PLA2G2C: variants seen among roughly 807,000 people sequenced by gnomAD.
PLA2G2C encodes the protein putative inactive group IIC secretory phospholipase A2.
PLA2G2C carries 15 observed loss-of-function variants against 14.3 expected under a neutral mutation model. The ratio of observed to expected loss-of-function variants is 1.05; its 90% confidence interval spans 0.70 to 1.62. The LOEUF is 1.62. PLA2G2C is among the 40% of genes most tolerant of loss of function. The probability of loss-of-function intolerance (pLI) is 0.00; values close to 1 mark genes in which losing one functional copy is unlikely to be tolerated. For synonymous variants in PLA2G2C, 79 were observed against 67.7 expected (o/e 1.17, Z -0.82); for missense variants, 162 against 173.2 (o/e 0.94, Z 0.36).
rs754793306 is a variant in PLA2G2C at position 20,175,024 on chromosome 1, G to A, written c.162C>T (p.Pro54=). ...GCACCCACCTGTCAGTGTCATCCACGGGGATCCCTTTATCCCCAAGCCCAC... is the reference window on the plus strand; with the variant it reads ...GCACCCACCTGTCAGTGTCATCCACAGGGATCCCTTTATCCCCAAGCCCAC... ...CYCGLGDKGI[P]VDDTDRHSPS... Residue 54 remains proline, a synonymous_variant, in exon 3 of 5, where the codon CCC becomes CCT. Coordinates refer to ENST00000679259, the MANE Select transcript of PLA2G2C (RefSeq NM_001367969.2). 27 of 1,613,518 alleles carry A rather than the reference G, an allele frequency of 1.7e-5. No homozygotes were observed. The highest frequency in any genetic ancestry group is 4.4e-5 in the South Asian group (4 of 90,990).
Position 20,179,280 on chromosome 1 carries a change from CTG to C in PLA2G2C, c.-76-1843_-76-1842del, listed in dbSNP as rs377415961. ...TCAGCTTCTCCCTCTATGTCAGTTT[CTG>C]TGTGTGTGTGTGCGCGCGCACGTGC... is the stretch of plus-strand genomic sequence containing the variant. On this transcript the variant is annotated intron_variant, in intron 1 of 4. Coordinates refer to ENST00000679259, the MANE Select transcript of PLA2G2C (RefSeq NM_001367969.2). Among the ~76,000 whole-genome samples the C allele has an allele frequency of 5.5e-4, 82 of 149,680 alleles. 1 individual carries two copies. Among genetic ancestry groups the C allele is most frequent in the African/African-American group, 1.2e-3 (49 of 40,522 alleles).
chr1:20,175,812 T>C (rs1487577488), intron 2 of PLA2G2C, among the ~76,000 whole-genome samples: 2 of 152,102 alleles, frequency 1.3e-5, no homozygotes, highest in Non-Finnish European at 2.9e-5. Context: ...CTCTAGGCAA[T>C]TGGGATTGAA....
chr1:20,165,634 T>C (rs924835376), intron 4 of PLA2G2C, among the ~76,000 whole-genome samples: 2 of 152,106 alleles, frequency 1.3e-5, no homozygotes, highest in African/African-American at 4.8e-5. Flanking sequence ...TTTATTTACC[T>C]ACTAATCAGA....
Position 20,163,990 on chromosome 1 carries a change from C to T in PLA2G2C, c.*1G>A. ...ATGATGAGAGGGACCCTGTGGTGTC[C>T]CTAGCACCAGGGCTTATGTCTGCCA... On this transcript the variant is annotated 3_prime_UTR_variant, in exon 5 of 5. Transcript: ENST00000679259. 1.9e-6 allele frequency: 3 copies of T among 1,611,750 alleles called. No individual in the cohort carries two copies. The highest frequency in any genetic ancestry group is 1.1e-5 in the South Asian group (1 of 90,438).
At chr1:20,179,879 CT>C (rs571004620) in intron 1 of PLA2G2C, among the ~76,000 whole-genome samples, 6 of 149,302 alleles carry the variant, frequency 4.0e-5, no homozygotes, top group African/African-American at 1.5e-4. Flanking sequence ...GCTATGTCAG[CT>C]TCTGTGTGTC....
Position 20,164,156 on chromosome 1 carries a change from A to G in PLA2G2C, c.285T>C (p.Cys95=). Residue 95 remains cysteine (C), a splice_region_variant and synonymous_variant, in exon 5 of 5, where the codon TGT becomes TGC. Coordinates refer to ENST00000679259, the MANE Select transcript of PLA2G2C (RefSeq NM_001367969.2). ...TGGCACCAGGACCAAGGGTGCATCC[A>G]CCTACAGAGACACAGAGGGTCACTG... The part of the protein sequence containing the change: ...QFHIVNGAVV[C]GCTLGPGASC... The G allele has an allele frequency of 6.2e-7, 1 of 1,611,710 alleles. No individual in the cohort carries two copies. Among genetic ancestry groups the G allele is most frequent in the Non-Finnish European group, 8.5e-7 (1 of 1,179,240 alleles).
chr1:20,177,403 C>G lies in PLA2G2C; in HGVS notation c.-40G>C. The G allele has an allele frequency of 1.5e-6, 1 of 655,540 alleles. No homozygotes were observed. The highest frequency in any genetic ancestry group is 2.7e-6 in the Non-Finnish European group (1 of 364,502). 40.6% of individuals were successfully genotyped at this position (655,540 alleles called of 1,614,324 possible). ...GGGGGTCTGAGGTTCTACAGCCACG[C>G]CTTCACCTGTGTGTGAGGGGTCTCC... On this transcript the variant is annotated 5_prime_UTR_variant, in exon 2 of 5. Coordinates refer to ENST00000679259, the MANE Select transcript of PLA2G2C (RefSeq NM_001367969.2).
chr1:20,183,453 T>C (rs772749851), intron 1 of PLA2G2C, among the ~76,000 whole-genome samples: 1 of 151,900 alleles, frequency 6.6e-6, no homozygotes, highest in Non-Finnish European at 1.5e-5. Flanking sequence ...TGGATGCAGG[T>C]TGTAAAATTG....
intron 4 of PLA2G2C, among the ~76,000 whole-genome samples, chr1:20,167,271 C>T (rs927107657): frequency 3.3e-5 from 5 of 152,148 alleles, no homozygotes; most frequent in Admixed American, 1.3e-4. Context: ...TCAATAAGCA[C>T]GTGTCCACCT....
chr1:20,166,166 C>T (rs144394520), intron 4 of PLA2G2C, among the ~76,000 whole-genome samples: 280 of 152,292 alleles, frequency 1.8e-3, no homozygotes, highest in Admixed American at 2.6e-3. Context: ...GAAAAAGCAG[C>T]GCCCTGTGGA....
intron 4 of PLA2G2C, among the ~76,000 whole-genome samples, chr1:20,166,467 C>A (rs1367444445): frequency 6.6e-6 from 1 of 152,182 alleles, no homozygotes. Flanking sequence ...TCAAGCCCAG[C>A]TCCCCAGGTA....
chr1:20,164,219 C>G, intron 4 of PLA2G2C, 62 bp from the exon 5 acceptor site: 1 of 1,505,876 alleles, frequency 6.6e-7, no homozygotes, highest in East Asian at 2.3e-5. Flanking sequence ...GGTTCTAAGG[C>G]TGGGGAGAAC....
chr1:20,184,225 AC>A (rs2018326485), intron 1 of PLA2G2C: 2 of 152,352 alleles, frequency 1.3e-5, no homozygotes, highest in Non-Finnish European at 2.9e-5. Flanking sequence ...ACACACACAC[AC>A]ACGGTGAGAA....
Position 20,163,922 on chromosome 1 carries a change from C to T in PLA2G2C, c.*69G>A, listed in dbSNP as rs1409884342. The T allele has an allele frequency of 4.0e-6, 6 of 1,499,934 alleles. No individual in the cohort carries two copies. The highest frequency in any genetic ancestry group is 5.4e-6 in the Non-Finnish European group (6 of 1,114,126). 92.9% of individuals were successfully genotyped at this position (1,499,934 alleles called of 1,614,324 possible). A position where few individuals can be genotyped will look rare whatever the true frequency, so the allele number is the denominator to read the frequency against. On this transcript the variant is annotated 3_prime_UTR_variant, in exon 5 of 5. Coordinates refer to ENST00000679259, the MANE Select transcript of PLA2G2C (RefSeq NM_001367969.2). ...AGAACAGGGGCCTGTTGGGGATGATCTGAGAAGGCTTCCTGGAAGAGCAAC... is the reference window on the plus strand; with the variant it reads ...AGAACAGGGGCCTGTTGGGGATGATTTGAGAAGGCTTCCTGGAAGAGCAAC...
chr1:20,179,509 CTA>C (rs2018243226), intron 1 of PLA2G2C, among the ~76,000 whole-genome samples: 1 of 148,546 alleles, frequency 6.7e-6, no homozygotes, highest in Admixed American at 6.6e-5. Context: ...GCTTCTCCCT[CTA>C]TGTCAGTTTC....
chr1:20,169,054 G>A (rs541470429), intron 4 of PLA2G2C, among the ~76,000 whole-genome samples: 3 of 152,350 alleles, frequency 2.0e-5, no homozygotes, highest in East Asian at 1.9e-4. Context: ...CGGTTGCTAG[G>A]CAACCTGGGA....
chr1:20,180,000 C>T (rs1194516942), intron 1 of PLA2G2C, among the ~76,000 whole-genome samples: 1 of 151,130 alleles, frequency 6.6e-6, no homozygotes, highest in Admixed American at 6.6e-5. Flanking sequence ...TAGCTTCTCC[C>T]TCTATGTCAG....
In PLA2G2C at chr1:20,163,962, T is replaced by G; in HGVS notation, c.*29A>C. 6.2e-7 allele frequency: 1 copy of G among 1,600,774 alleles called. No homozygotes were observed. The highest frequency in any genetic ancestry group is 8.5e-7 in the Non-Finnish European group (1 of 1,173,314). Reference sequence around the variant, plus strand: ...GGAAGAGCAACACTAGAGCGGATGCTGGATGATGAGAGGGACCCTGTGGTG... The same window carrying G: ...GGAAGAGCAACACTAGAGCGGATGCGGGATGATGAGAGGGACCCTGTGGTG... On this transcript the variant is annotated 3_prime_UTR_variant, in exon 5 of 5. Transcript: ENST00000679259.
At chr1:20,175,191 G>C in intron 2 of PLA2G2C, 46 bp from the exon 3 acceptor site, 2 of 1,613,586 alleles carry the variant, frequency 1.2e-6, no homozygotes, top group Non-Finnish European at 1.7e-6. Flanking sequence ...GTTGCAATGA[G>C]CATGATGCTG....
Sources: gnomAD v4.1 joint callset for allele counts (sites outside exome capture counted in the v4.1 genomes callset) on GRCh38, gnomAD v4.1.1 for gene constraint, MANE v1.5 for transcripts, NCBI Gene and HGNC (gene_info 2026-07-23, HGNC 2026-07-21) for gene names.